Variants in PAN3 observed in about 807,000 individuals in gnomAD.
The protein encoded by PAN3 is poly(A) specific ribonuclease subunit PAN3, also known as PAN2-PAN3 deadenylation complex subunit PAN3.
PAN3 carries 19 observed loss-of-function variants against 96.2 expected under a neutral mutation model. The ratio of observed to expected loss-of-function variants is 0.20; its 90% CI spans 0.14 to 0.29. PAN3 has a LOEUF of 0.29. PAN3 is among the 10% of genes least tolerant of loss of function. PAN3 has a pLI of 1.00. For missense variants in PAN3, 882 were observed against 1,108.1 expected (o/e 0.80, Z 2.90); for synonymous variants, 433 against 406.6 (o/e 1.06, Z -0.78).
At chr13:28,155,111 C>T (rs112211249) in intron 1 of PAN3, among the ~76,000 whole-genome samples, 4,256 of 151,950 alleles carry the variant, frequency 0.028, 158 homozygotes, top group African/African-American at 0.089. Flanking sequence ...CCACCGCGCA[C>T]GGCGACTTTG....
At chr13:28,248,383 G>C (rs9582027) in intron 6 of PAN3, among the ~76,000 whole-genome samples, 8,706 of 152,182 alleles carry the variant, frequency 0.057, 320 homozygotes, top group South Asian at 0.15. Flanking sequence ...ATTAGATTTA[G>C]ATTTTTCCTT....
intron 5 of PAN3, among the ~76,000 whole-genome samples, chr13:28,212,214 G>A (rs909919871): frequency 3.3e-5 from 5 of 152,154 alleles, no homozygotes; most frequent in African/African-American, 9.7e-5. Context: ...GGAAAACTTC[G>A]TAACTCGTGA....
chr13:28,215,938 G>A, intron 5 of PAN3: 1 of 1,087,232 alleles, frequency 9.2e-7, no homozygotes, highest in Non-Finnish European at 1.4e-6. Flanking sequence ...TTAATCAGTG[G>A]TGGAAGAATG....
intron 4 of PAN3, among the ~76,000 whole-genome samples, chr13:28,185,873 C>T (rs941480065): frequency 2.0e-5 from 3 of 152,100 alleles, no homozygotes; most frequent in African/African-American, 4.8e-5. Context: ...TCTGGTCATT[C>T]TATTTGCGAA....
At chr13:28,289,734 T>C (rs1317191580) in intron 18 of PAN3, among the ~76,000 whole-genome samples, 1 of 151,994 alleles carries the variant, frequency 6.6e-6, no homozygotes, top group African/African-American at 2.4e-5. Context: ...TTAAAAAAGT[T>C]AGCCGGGCAT....
At chr13:28,222,315 A>G (rs1881497805) in intron 6 of PAN3, among the ~76,000 whole-genome samples, 1 of 151,778 alleles carries the variant, frequency 6.6e-6, no homozygotes, top group African/African-American at 2.4e-5. Flanking sequence ...TAATTTAAAA[A>G]TTAAATTAGC....
At chr13:28,179,121 G>A (rs1875432785) in intron 4 of PAN3, among the ~76,000 whole-genome samples, 3 of 152,214 alleles carry the variant, frequency 2.0e-5, no homozygotes, top group Admixed American at 1.3e-4. Context: ...ACTAAAATCT[G>A]TGGGTTTAAT....
rs563132662 is a variant in PAN3, at chr13:28,154,516, CAG to C, written c.430+15432_430+15433del. ...TTTTATATATTTATTTATTTTGAGACAGAGTTTCACTCTTGTCGCCCAGGGTG... is the reference window on the plus strand; with the variant it reads ...TTTTATATATTTATTTATTTTGAGACAGTTTCACTCTTGTCGCCCAGGGTG... On this transcript the variant is annotated intron_variant, in intron 1 of 18. Transcript: ENST00000380958. 4.0e-3 allele frequency among the ~76,000 whole-genome samples: 609 copies of C among 152,058 alleles called. 6 individuals are homozygous for C. Among genetic ancestry groups the C allele is most frequent in the African/African-American group, 0.014 (581 of 41,492 alleles).
intron 1 of PAN3, among the ~76,000 whole-genome samples, chr13:28,140,993 G>A (rs1869696760): frequency 7.0e-6 from 1 of 142,982 alleles, no homozygotes; most frequent in Non-Finnish European, 1.5e-5. Flanking sequence ...CTTACTGACA[G>A]AAAGAGACAC....
chr13:28,162,108 A>T (rs1872951255), intron 1 of PAN3, among the ~76,000 whole-genome samples: 1 of 152,234 alleles, frequency 6.6e-6, no homozygotes, highest in Admixed American at 6.5e-5. Flanking sequence ...ATGCCAGTAT[A>T]CTGAATTAAC....
chr13:28,260,704 T>A (rs1419225193), intron 8 of PAN3, among the ~76,000 whole-genome samples, 153 bp downstream of exon 8: 1 of 151,032 alleles, frequency 6.6e-6, no homozygotes, highest in East Asian at 1.9e-4. Context: ...GTATTTTTTT[T>A]AAGGAAACCT....
chr13:28,164,115 GAA>G (rs1873237976), intron 1 of PAN3, among the ~76,000 whole-genome samples: 1 of 152,004 alleles, frequency 6.6e-6, no homozygotes, highest in Non-Finnish European at 1.5e-5. Flanking sequence ...AACCTTTATT[GAA>G]ATGTAATTTA....
intron 6 of PAN3, among the ~76,000 whole-genome samples, chr13:28,226,085 A>G (rs1269169297): frequency 2.0e-5 from 3 of 152,204 alleles, no homozygotes; most frequent in Non-Finnish European, 4.4e-5. Flanking sequence ...GGATGAATCT[A>G]TGGTCTTGAA....
Position 28,256,336 on chromosome 13 carries a change from A to G in PAN3, c.1045A>G (p.Ile349Val), listed in dbSNP as rs765040817. The G allele has an allele frequency of 6.2e-7, 1 of 1,613,736 alleles. No individual in the cohort carries two copies. Among genetic ancestry groups the G allele is most frequent in the Non-Finnish European group, 8.5e-7 (1 of 1,179,648 alleles). The change falls in exon 7 of 19, where the codon ATT (isoleucine) becomes GTT (valine). Residue 349 changes from isoleucine (I) to valine (V), a missense_variant. Ile to Val is a conservative substitution (Grantham distance 29, BLOSUM62 3). Coordinates refer to ENST00000380958, the MANE Select transcript of PAN3 (RefSeq NM_175854.8). Reference sequence around the variant, plus strand: ...GTCTTCCCCTCTTCATTCCCCCAAGATTACTCCACATACTTCTCCTGCTCC... The same window carrying G: ...GTCTTCCCCTCTTCATTCCCCCAAGGTTACTCCACATACTTCTCCTGCTCC... ...AGSSPLHSPK[I>V]TPHTSPAPRR...
chr13:28,229,680 G>T (rs1566207615), intron 6 of PAN3, among the ~76,000 whole-genome samples: 1 of 152,144 alleles, frequency 6.6e-6, no homozygotes, highest in African/African-American at 2.4e-5. Context: ...CCATAATCTG[G>T]CAAGCTTACT....
intron 4 of PAN3, among the ~76,000 whole-genome samples, chr13:28,196,854 A>G (rs958629488): frequency 6.6e-6 from 1 of 152,230 alleles, no homozygotes; most frequent in Non-Finnish European, 1.5e-5. Context: ...GACAGTAGAA[A>G]AAATTTTGCA....
At chr13:28,163,931 A>G (rs1566149272) in intron 1 of PAN3, among the ~76,000 whole-genome samples, 1 of 152,104 alleles carries the variant, frequency 6.6e-6, no homozygotes, top group Non-Finnish European at 1.5e-5. Flanking sequence ...TACTAATTAA[A>G]CGAAAAGTTT....
chr13:28,206,050 A>G (rs1379964755), intron 5 of PAN3, among the ~76,000 whole-genome samples: 2 of 151,874 alleles, frequency 1.3e-5, no homozygotes, highest in African/African-American at 2.4e-5. Flanking sequence ...TTATTTCTCT[A>G]TGTTGGTTAC....
At chr13:28,283,122 C>G (rs1868501284) in intron 17 of PAN3, among the ~76,000 whole-genome samples, 3 of 152,002 alleles carry the variant, frequency 2.0e-5, no homozygotes. Flanking sequence ...ATTCTTGGCT[C>G]TCTGCAACCC....
Sources: gnomAD v4.1 joint callset for allele counts (sites outside exome capture counted in the v4.1 genomes callset) on GRCh38, gnomAD v4.1.1 for gene constraint, MANE v1.5 for transcripts, NCBI Gene and HGNC (gene_info 2026-07-23, HGNC 2026-07-21) for gene names.